Variants in STPG2 observed in about 807,000 individuals in gnomAD.
STPG2 encodes sperm-tail PG-rich repeat-containing protein 2.
A neutral mutation model predicts 54.2 loss-of-function variants in STPG2; 56 were observed. The observed-to-expected ratio is 1.03, with a 90% CI of 0.83 to 1.29. The LOEUF (loss-of-function observed/expected upper bound fraction) is 1.29, where lower values mean the gene tolerates loss of function less well. Among genes scored for constraint, STPG2 ranks in the 50% most tolerant of loss-of-function variants. The pLI is 0.00. For synonymous variants in STPG2, 200 were observed against 181.8 expected (o/e 1.10, Z -0.81); for missense variants, 596 against 544.9 (o/e 1.09, Z -0.93).
At chr4:97,456,780 G>A (rs774685041) in intron 4 of STPG2, among the ~76,000 whole-genome samples, 3 of 150,560 alleles carry the variant, frequency 2.0e-5, no homozygotes, top group Non-Finnish European at 4.4e-5. Context: ...CCTGTAGTCC[G>A]AGCTACTCAG....
chr4:97,510,842 C>A (rs1730956633), intron 4 of STPG2, among the ~76,000 whole-genome samples: 1 of 152,080 alleles, frequency 6.6e-6, no homozygotes, highest in South Asian at 2.1e-4. Flanking sequence ...GTGGCTCACG[C>A]CGGTAATCCC....
intron 4 of STPG2, among the ~76,000 whole-genome samples, chr4:97,492,166 T>C (rs1730516654): frequency 6.6e-6 from 1 of 151,528 alleles, no homozygotes; most frequent in African/African-American, 2.4e-5. Context: ...TTAAAAATTT[T>C]CCCTGGTGCC....
intron 5 of STPG2, among the ~76,000 whole-genome samples, chr4:98,089,350 A>G (rs1331281755): frequency 6.6e-5 from 10 of 152,004 alleles, no homozygotes; most frequent in Admixed American, 6.6e-4. Context: ...AATGGCCTCC[A>G]GCTCTAACCA....
intron 10 of STPG2, among the ~76,000 whole-genome samples, chr4:97,622,280 A>C (rs1734032273): frequency 6.6e-6 from 1 of 152,172 alleles, no homozygotes; most frequent in Admixed American, 6.5e-5. Context: ...TAGCAAGAGC[A>C]ATCAGGCAAG....
chr4:97,607,650 G>T (rs1367275077), intron 10 of STPG2, among the ~76,000 whole-genome samples: 1 of 152,022 alleles, frequency 6.6e-6, no homozygotes, highest in Non-Finnish European at 1.5e-5. Context: ...ATTGGGATTG[G>T]CATGTACTGC....
chr4:97,938,472 C>G (rs1159224502), intron 8 of STPG2, among the ~76,000 whole-genome samples: 1 of 20,122 alleles, frequency 5.0e-5, no homozygotes, highest in Non-Finnish European at 1.3e-4. Flanking sequence ...AAGGCTTAGA[C>G]AGCAGGCAGC....
intron 8 of STPG2, among the ~76,000 whole-genome samples, chr4:97,845,896 T>C (rs1342440650): frequency 6.6e-6 from 1 of 152,180 alleles, no homozygotes; most frequent in African/African-American, 2.4e-5. Context: ...GACTAAAGAC[T>C]GGTATTGTCA....
At position 97,636,931 on chromosome 4, in the gene STPG2, C is replaced by T. The variant is rs1036015735; in HGVS notation, c.1320+75768G>A. ...CAGAGGTATAAGGAGGAACCGGTAC[C>T]ATTCCTTCTGAACCTATTCCAATCA... On this transcript the variant is annotated intron_variant, in intron 10 of 10. Transcript: ENST00000295268. 5.4e-3 allele frequency among the ~76,000 whole-genome samples: 818 copies of T among 152,156 alleles called. 6 individuals carry two copies. Among genetic ancestry groups the T allele is most frequent in the Middle Eastern group, 0.021 (6 of 292 alleles).
chr4:97,669,624 G>A lies in STPG2; in HGVS notation c.1320+43075C>T, dbSNP rs1373611884. On this transcript the variant is annotated intron_variant, in intron 10 of 10. Transcript: ENST00000295268. The stretch of plus-strand genomic sequence containing the variant: ...ATCCTGGCTAACAAGGTGAAACCCC[G>A]TCTCTACTAAAAATACAAAAAATTA... 4.1e-5 allele frequency among the ~76,000 whole-genome samples: 2 copies of A among 48,358 alleles called. 1 individual carries two copies. Among genetic ancestry groups the A allele is most frequent in the African/African-American group, 2.1e-4 (2 of 9,382 alleles). 31.7% of individuals were successfully genotyped at this position (48,358 alleles called of 152,430 possible). A position where few individuals can be genotyped will look rare whatever the true frequency, so the allele number is the denominator to read the frequency against.
chr4:97,616,784 T>C (rs1257711184), intron 10 of STPG2, among the ~76,000 whole-genome samples: 1 of 152,140 alleles, frequency 6.6e-6, no homozygotes, highest in African/African-American at 2.4e-5. Flanking sequence ...GGTTACATTT[T>C]AGTGAATTAT....
chr4:97,741,057 C>A (rs182891395), intron 9 of STPG2, among the ~76,000 whole-genome samples: 1 of 152,010 alleles, frequency 6.6e-6, no homozygotes, highest in African/African-American at 2.4e-5. Context: ...GAAAAAACAC[C>A]GCATATCTAC....
At chr4:97,715,076 C>G (rs2149010311) in intron 9 of STPG2, among the ~76,000 whole-genome samples, 1 of 152,250 alleles carries the variant, frequency 6.6e-6, no homozygotes, top group South Asian at 2.1e-4. Flanking sequence ...CAATATGCAT[C>G]TTGCTCCATT....
At chr4:97,946,745 G>T (rs1733240208) in intron 7 of STPG2, among the ~76,000 whole-genome samples, 1 of 152,074 alleles carries the variant, frequency 6.6e-6, no homozygotes, top group Non-Finnish European at 1.5e-5. Flanking sequence ...CTGATCCATT[G>T]ATCTATATGT....
intron 5 of STPG2, among the ~76,000 whole-genome samples, chr4:98,023,420 C>T (rs1250311584): frequency 6.6e-6 from 1 of 152,148 alleles, no homozygotes; most frequent in Non-Finnish European, 1.5e-5. Flanking sequence ...AGTACTTGGC[C>T]GTGTGAGGTG....
intron 5 of STPG2, among the ~76,000 whole-genome samples, chr4:97,982,413 G>C (rs545569761): frequency 1.2e-4 from 14 of 113,680 alleles, no homozygotes; most frequent in African/African-American, 5.3e-4. Flanking sequence ...CACACACACA[G>C]ATTTTGAAAG....
chr4:97,594,360 G>A (rs1005484923), intron 10 of STPG2, among the ~76,000 whole-genome samples: 27 of 152,156 alleles, frequency 1.8e-4, no homozygotes, highest in Admixed American at 1.4e-3. Flanking sequence ...AATATAATCC[G>A]AAGTATTAAC....
intron 10 of STPG2, among the ~76,000 whole-genome samples, chr4:97,651,764 A>G (rs1434402425): frequency 1.3e-5 from 2 of 151,986 alleles, no homozygotes; most frequent in Non-Finnish European, 2.9e-5. Context: ...TGAAGGTTGT[A>G]TGAACTAAAA....
intron 10 of STPG2, among the ~76,000 whole-genome samples, chr4:97,661,050 A>C (rs1365972251): frequency 1.3e-5 from 2 of 152,122 alleles, no homozygotes; most frequent in African/African-American, 4.8e-5. Context: ...TAAAAAAATA[A>C]GTTTCCATCA....
intron 8 of STPG2, among the ~76,000 whole-genome samples, chr4:97,855,548 G>A (rs114553593): frequency 6.6e-6 from 1 of 151,788 alleles, no homozygotes; most frequent in Non-Finnish European, 1.5e-5. Flanking sequence ...TTAAGTTCCT[G>A]TAGACTCTGG....
Sources: gnomAD v4.1 joint callset for allele counts (sites outside exome capture counted in the v4.1 genomes callset) on GRCh38, gnomAD v4.1.1 for gene constraint, MANE v1.5 for transcripts, NCBI Gene and HGNC (gene_info 2026-07-23, HGNC 2026-07-21) for gene names.